The following PARD3 variants were observed in gnomAD, a reference collection of about 807,000 sequenced individuals.
The protein encoded by PARD3 is par-3 family cell polarity regulator.
Under a neutral mutation model 155.4 loss-of-function variants are expected in PARD3, and 75 were observed. That is an observed-to-expected ratio of 0.48 (90% CI 0.40 to 0.58). The LOEUF is 0.58. PARD3 is among the 20% of genes least tolerant of loss of function. The probability of loss-of-function intolerance (pLI) is 0.00; values close to 1 mark genes in which losing one functional copy is unlikely to be tolerated. For missense variants in PARD3, 1,642 were observed against 1,721.7 expected, an observed-to-expected ratio of 0.95 and a Z score of 0.82; for synonymous variants, 576 against 610.5, an observed-to-expected ratio of 0.94 and a Z score of 0.83.
chr10:34,415,298 T>C (rs1046822860), intron 5 of PARD3, among the ~76,000 whole-genome samples: 3 of 152,152 alleles, frequency 2.0e-5, no homozygotes, highest in Non-Finnish European at 4.4e-5. Context: ...GGAAGACACA[T>C]GCACAGTCGG....
chr10:34,366,569 CA>C (rs1159200882), intron 12 of PARD3, among the ~76,000 whole-genome samples: 2 of 152,026 alleles, frequency 1.3e-5, no homozygotes, highest in Non-Finnish European at 2.9e-5. Context: ...GCCATGACAG[CA>C]GACCATCATA....
intron 2 of PARD3, chr10:34,663,907 G>A (rs1011616068): frequency 6.6e-6 from 1 of 152,088 alleles, no homozygotes; most frequent in Admixed American, 6.6e-5. Context: ...GTCCTTCACG[G>A]AGCCCAGGCC....
rs540776372 is a variant in PARD3 at position 34,144,363 on chromosome 10, T to C, written c.3420-12780A>G. Among the ~76,000 whole-genome samples the C allele has an allele frequency of 1.8e-4, 27 of 152,372 alleles. No homozygotes were observed. In the South Asian group the frequency reaches 1.9e-3, roughly 11 times the overall value. ...ACTTTTAAAGCTTTCAGTCGTTTTC[T>C]ATGACATTTCTTTTTAACTCAACCT... On this transcript the variant is annotated intron_variant, in intron 22 of 24. Transcript: ENST00000374788.
At chr10:34,634,786 G>C (rs1378114082) in intron 2 of PARD3, among the ~76,000 whole-genome samples, 2 of 152,342 alleles carry the variant, frequency 1.3e-5, no homozygotes, top group Middle Eastern at 3.4e-3. Flanking sequence ...ACCATTTCCA[G>C]AACTGGGAGC....
intron 2 of PARD3, among the ~76,000 whole-genome samples, chr10:34,546,794 A>T (rs1252539511): frequency 6.6e-6 from 1 of 152,148 alleles, no homozygotes; most frequent in Non-Finnish European, 1.5e-5. Flanking sequence ...TTATTTCATA[A>T]ATTTTTTTAG....
intron 1 of PARD3, among the ~76,000 whole-genome samples, chr10:34,707,130 G>A (rs1348938398): frequency 2.0e-5 from 3 of 151,568 alleles, no homozygotes; most frequent in Non-Finnish European, 2.9e-5. Context: ...CCTGTGGTCC[G>A]AGCCACTTGG....
intron 18 of PARD3, among the ~76,000 whole-genome samples, chr10:34,335,744 C>A (rs1415141674): frequency 6.6e-6 from 1 of 152,022 alleles, no homozygotes; most frequent in Non-Finnish European, 1.5e-5. Flanking sequence ...ATAGCAATAC[C>A]GGACGTTGTC....
intron 4 of PARD3, among the ~76,000 whole-genome samples, chr10:34,468,398 A>G (rs2078140826): frequency 6.6e-6 from 1 of 152,266 alleles, no homozygotes; most frequent in Non-Finnish European, 1.5e-5. Context: ...TATGTTTCAA[A>G]CAGTTGAAAA....
At chr10:34,432,893 G>A (rs929981960) in intron 5 of PARD3, among the ~76,000 whole-genome samples, 1 of 152,118 alleles carries the variant, frequency 6.6e-6, no homozygotes, top group Non-Finnish European at 1.5e-5. Flanking sequence ...GGGAGGTAGA[G>A]CAAAAAGAAG....
intron 5 of PARD3, among the ~76,000 whole-genome samples, chr10:34,409,768 T>G (rs1844865627): frequency 6.6e-6 from 1 of 152,190 alleles, no homozygotes; most frequent in African/African-American, 2.4e-5. Flanking sequence ...CTTTTGAAAA[T>G]AAAACTCATT....
At chr10:34,458,062 T>C (rs2077429776) in intron 4 of PARD3, among the ~76,000 whole-genome samples, 2 of 152,192 alleles carry the variant, frequency 1.3e-5, no homozygotes, top group South Asian at 4.1e-4. Flanking sequence ...GATGATATAT[T>C]TGATCACAAA....
rs1047249000 is a variant in PARD3, at chr10:34,121,868, G to A, written c.3541-2128C>T. Among the ~76,000 whole-genome samples, 5 of 152,202 alleles carry A rather than the reference G, an allele frequency of 3.3e-5. No individual in the cohort carries two copies. In the South Asian group the frequency reaches 6.2e-4, roughly 19 times the overall value. ...ATTCAGAGACCCGCTTCACAACACC[G>A]TTCAAATAACACATCAGTGAGGCCT... On this transcript the variant is annotated intron_variant, in intron 23 of 24. Transcript: ENST00000374788.
chr10:34,285,575 CAA>C (rs1052160950), intron 20 of PARD3, among the ~76,000 whole-genome samples: 8 of 130,896 alleles, frequency 6.1e-5, no homozygotes, highest in Admixed American at 7.9e-5. Context: ...GACCTTATTT[CAA>C]AAAAAAAAAA....
intron 22 of PARD3, among the ~76,000 whole-genome samples, chr10:34,194,843 G>A (rs1006335316): frequency 6.6e-6 from 1 of 152,084 alleles, no homozygotes; most frequent in African/African-American, 2.4e-5. Flanking sequence ...CTAGTTTACT[G>A]TCATTGAATA....
At chr10:34,518,228 G>A (rs2081913912) in intron 2 of PARD3, among the ~76,000 whole-genome samples, 3 of 152,130 alleles carry the variant, frequency 2.0e-5, no homozygotes, top group Admixed American at 2.0e-4. Flanking sequence ...ACCGACAAAT[G>A]GGTAAGTATA....
At position 34,182,629 on chromosome 10, in the gene PARD3, T is replaced by C. The variant is rs548217861; in HGVS notation, c.3420-51046A>G. On this transcript the variant is annotated intron_variant, in intron 22 of 24. Coordinates refer to ENST00000374788, the MANE Select transcript of PARD3 (RefSeq NM_001184785.2). Reference sequence around the variant, plus strand: ...CCTGAAAAGTAACCTATCTGTTCCATTGTGATATCAGCCAAAAGATCACGA... The same window carrying C: ...CCTGAAAAGTAACCTATCTGTTCCACTGTGATATCAGCCAAAAGATCACGA... Among the ~76,000 whole-genome samples, 84 of 152,166 alleles carry C rather than the reference T, an allele frequency of 5.5e-4. No individual in the cohort carries two copies. The Middle Eastern group carries it at 0.01, about 18-fold the overall frequency.
intron 1 of PARD3, among the ~76,000 whole-genome samples, chr10:34,716,805 T>G (rs760925860): frequency 3.9e-5 from 6 of 151,968 alleles, no homozygotes; most frequent in Non-Finnish European, 8.8e-5. Flanking sequence ...TTGGTCAGGT[T>G]GGTCTCGCAC....
chr10:34,237,839 T>A (rs1161656803), intron 22 of PARD3, among the ~76,000 whole-genome samples: 1 of 152,148 alleles, frequency 6.6e-6, no homozygotes, highest in Non-Finnish European at 1.5e-5. Context: ...TTTATATGCG[T>A]CTCCTGGCTT....
intron 22 of PARD3, among the ~76,000 whole-genome samples, chr10:34,163,972 T>A (rs1044409089): frequency 1.3e-5 from 2 of 152,234 alleles, no homozygotes; most frequent in African/African-American, 2.4e-5. Flanking sequence ...GGATTCATAT[T>A]CCATTTGTTA....
Sources: allele counts gnomAD v4.1 joint callset (sites outside exome capture counted in the v4.1 genomes callset), GRCh38; gene constraint gnomAD v4.1.1; transcripts MANE v1.5; gene names NCBI Gene and HGNC (gene_info 2026-07-23, HGNC 2026-07-21).